MAGI1: variants seen among roughly 807,000 people sequenced by gnomAD.
The protein encoded by MAGI1 is membrane associated guanylate kinase, WW and PDZ domain containing 1, also known as membrane-associated guanylate kinase, WW and PDZ domain-containing protein 1.
MAGI1 carries 58 observed loss-of-function variants against 139.9 expected under a neutral mutation model. That is an observed-to-expected ratio of 0.41 (90% CI 0.34 to 0.52). The LOEUF (loss-of-function observed/expected upper bound fraction) is 0.52, where lower values mean the gene tolerates loss of function less well. Among genes scored for constraint, MAGI1 ranks in the 20% least tolerant of loss-of-function variants. MAGI1 has a pLI of 0.12. For synonymous variants in MAGI1, 812 were observed against 737.9 expected (o/e 1.10, Z -1.63); for missense variants, 1,874 against 1,901.6 (o/e 0.99, Z 0.27).
chr3:65,474,610 T>TACAC (rs1478458074), intron 4 of MAGI1, among the ~76,000 whole-genome samples: 3 of 96,204 alleles, frequency 3.1e-5, no homozygotes, highest in Non-Finnish European at 4.6e-5. Context: ...TCCAAGCTTT[T>TACAC]ATACACACAC....
chr3:65,509,445 C>G (rs1486814093), intron 2 of MAGI1, among the ~76,000 whole-genome samples: 1 of 152,112 alleles, frequency 6.6e-6, no homozygotes, highest in African/African-American at 2.4e-5. Context: ...TCAGTGGGTG[C>G]GCGTACCGTG....
chr3:65,812,468 TCACACA>T (rs1553711393), intron 1 of MAGI1, among the ~76,000 whole-genome samples: 1 of 89,088 alleles, frequency 1.1e-5, no homozygotes, highest in African/African-American at 3.2e-5. Context: ...TCTCTCTCTC[TCACACA>T]CACACACACA....
intron 1 of MAGI1, among the ~76,000 whole-genome samples, chr3:66,005,239 A>C (rs1378392637): frequency 1.3e-5 from 2 of 152,210 alleles, no homozygotes; most frequent in Non-Finnish European, 2.9e-5. Flanking sequence ...GGGAGACCAC[A>C]GTCTTCAATA....
intron 2 of MAGI1, among the ~76,000 whole-genome samples, chr3:65,620,305 C>T (rs953071954): frequency 7.2e-5 from 11 of 152,114 alleles, no homozygotes; most frequent in African/African-American, 2.7e-4. Context: ...GAAAACAGCC[C>T]TAGATGACAT....
At chr3:66,012,564 G>A (rs887554532) in intron 1 of MAGI1, among the ~76,000 whole-genome samples, 1 of 152,068 alleles carries the variant, frequency 6.6e-6, no homozygotes, top group Non-Finnish European at 1.5e-5. Flanking sequence ...CCAGGAGTTT[G>A]AGACCAGCCT....
rs534269246 is a variant in MAGI1 at position 66,034,326 on chromosome 3, C to T, written c.313+3670G>A. 2.0e-3 allele frequency among the ~76,000 whole-genome samples: 307 copies of T among 152,334 alleles called. 1 individual carries two copies. The highest frequency in any genetic ancestry group is 7.1e-3 in the African/African-American group (296 of 41,574). On this transcript the variant is annotated intron_variant, in intron 1 of 22. Coordinates refer to ENST00000402939, the MANE Select transcript of MAGI1 (RefSeq NM_001033057.2). ...TGGGAGCACAGGCTTTGGAATCAGA[C>T]AGAGCTGGGTTGCAGCTCTACTGCC...
intron 1 of MAGI1, among the ~76,000 whole-genome samples, chr3:65,695,294 C>T (rs1576770719): frequency 6.7e-6 from 1 of 148,462 alleles, no homozygotes; most frequent in East Asian, 2.4e-4. Flanking sequence ...CTGATTCAGG[C>T]ATCACCCCCA....
chr3:65,853,883 T>A (rs2059288896), intron 1 of MAGI1, among the ~76,000 whole-genome samples: 1 of 152,044 alleles, frequency 6.6e-6, no homozygotes, highest in Non-Finnish European at 1.5e-5. Context: ...GGCTGGTGGA[T>A]CACCTGAGGT....
chr3:65,583,131 T>C (rs1474494252), intron 2 of MAGI1, among the ~76,000 whole-genome samples: 2 of 152,122 alleles, frequency 1.3e-5, no homozygotes, highest in East Asian at 3.9e-4. Flanking sequence ...AAAATTGGGG[T>C]CCACTTTACA....
chr3:65,926,630 C>G (rs2106670271), intron 1 of MAGI1, among the ~76,000 whole-genome samples: 1 of 152,270 alleles, frequency 6.6e-6, no homozygotes, highest in East Asian at 1.9e-4. Flanking sequence ...CTCTGGTTGT[C>G]CTCACTGCTA....
chr3:65,360,317 G>A (rs1372579037), intron 22 of MAGI1: 2 of 981,570 alleles, frequency 2.0e-6, no homozygotes, highest in East Asian at 2.3e-4. Context: ...CTTTGGTTGG[G>A]AAAAAAAGCC....
chr3:65,917,640 T>G (rs1465254839), intron 1 of MAGI1, among the ~76,000 whole-genome samples: 1 of 152,058 alleles, frequency 6.6e-6, no homozygotes, highest in African/African-American at 2.4e-5. Context: ...TGAAAACACA[T>G]GGAGGAAACT....
At chr3:65,891,592 T>A (rs1479791812) in intron 1 of MAGI1, among the ~76,000 whole-genome samples, 1 of 151,364 alleles carries the variant, frequency 6.6e-6, no homozygotes, top group Non-Finnish European at 1.5e-5. Flanking sequence ...TTTGCAGGAG[T>A]CAACGTGATA....
intron 3 of MAGI1, 22 bp from the exon 4 acceptor site, chr3:65,478,820 T>G: frequency 1.3e-6 from 2 of 1,573,320 alleles, no homozygotes; most frequent in Non-Finnish European, 1.7e-6. Context: ...AGAGACACAT[T>G]TGCATGTTTC....
At chr3:65,721,520 T>C (rs1324930858) in intron 1 of MAGI1, among the ~76,000 whole-genome samples, 1 of 152,206 alleles carries the variant, frequency 6.6e-6, no homozygotes, top group Admixed American at 6.5e-5. Flanking sequence ...GTTCTTGATA[T>C]GCTAATGTAG....
intron 1 of MAGI1, among the ~76,000 whole-genome samples, chr3:65,997,700 T>A (rs1350935590): frequency 6.6e-6 from 1 of 151,950 alleles, no homozygotes; most frequent in Non-Finnish European, 1.5e-5. Context: ...TGGAGTTCTG[T>A]ACCAAGTCAA....
intron 1 of MAGI1, among the ~76,000 whole-genome samples, chr3:65,912,694 T>G (rs2061721755): frequency 6.6e-6 from 1 of 152,172 alleles, no homozygotes; most frequent in South Asian, 2.1e-4. Context: ...AAATAAGGAT[T>G]CTTTTTTAGT....
rs148548866 is a variant in MAGI1, at chr3:65,973,205, C to A, written c.313+64791G>T. On this transcript the variant is annotated intron_variant, in intron 1 of 22. Transcript: ENST00000402939. ...TAAAATAAATAAAAGGCAATTTGTT[C>A]TCCTCTCAGCAGAACAGGTGCCCCC... Among the ~76,000 whole-genome samples, 288 of 152,054 alleles carry A rather than the reference C, an allele frequency of 1.9e-3. 1 individual carries two copies. Among genetic ancestry groups the A allele is most frequent in the African/African-American group, 6.7e-3 (279 of 41,488 alleles).
chr3:65,767,575 T>G (rs2037593434), intron 1 of MAGI1, among the ~76,000 whole-genome samples: 1 of 152,224 alleles, frequency 6.6e-6, no homozygotes, highest in Non-Finnish European at 1.5e-5. Context: ...CATTCATCCT[T>G]CCCTCAAGAA....
Sources: allele counts gnomAD v4.1 joint callset (sites outside exome capture counted in the v4.1 genomes callset), GRCh38; gene constraint gnomAD v4.1.1; transcripts MANE v1.5; gene names NCBI Gene and HGNC (gene_info 2026-07-23, HGNC 2026-07-21).